Variants in WHRN observed in about 807,000 individuals in gnomAD.
WHRN encodes the protein whirlin.
A neutral mutation model predicts 68.3 loss-of-function variants in WHRN; 41 were observed. The ratio of observed to expected loss-of-function variants is 0.60; its 90% CI spans 0.47 to 0.78. The LOEUF is 0.78. Among genes scored for constraint, WHRN ranks in the 30% least tolerant of loss-of-function variants. The pLI is 0.00. For synonymous variants in WHRN, 560 were observed against 561.3 expected (o/e 1.00, Z 0.03); for missense variants, 1,243 against 1,244.7 (o/e 1.00, Z 0.02).
Position 114,406,884 on chromosome 9 carries a change from G to C in WHRN, c.1707C>G (p.Val569=). The change falls in exon 9 of 12, where the codon GTC becomes GTG. Residue 569 remains valine, a synonymous_variant. Transcript: ENST00000362057. ...NALPDVSVDD[V]RSTSQGLSSF... is the part of the protein sequence containing the mutation. Reference sequence around the variant, plus strand: ...TTGACAGCCCCTGGGAGGTGGATCTGACATCATCCTGCCAAAAGACCCAAC... The same window carrying C: ...TTGACAGCCCCTGGGAGGTGGATCTCACATCATCCTGCCAAAAGACCCAAC... 1 of 1,574,778 alleles carries C rather than the reference G, an allele frequency of 6.4e-7. No homozygotes were observed. The highest frequency in any genetic ancestry group is 8.6e-7 in the Non-Finnish European group (1 of 1,160,296).
In WHRN at chr9:114,402,182, G is replaced by A. The variant is rs1834738757; in HGVS notation, c.*572C>T. The A allele has an allele frequency of 1.2e-5, 2 of 168,268 alleles. No individual in the cohort carries two copies. The highest frequency in any genetic ancestry group is 2.6e-5 in the Non-Finnish European group (2 of 76,082). The allele number at this position is 168,268 out of a possible 1,614,324, so 10.4% of individuals were successfully genotyped here. A position where few individuals can be genotyped will look rare whatever the true frequency, so the allele number is the denominator to read the frequency against. ...CTGCAAGGCCTCTGGGATAGGCTGG[G>A]GGTGCAGAGGGAAGCTGGGGCCTTG... On this transcript the variant is annotated 3_prime_UTR_variant, in exon 12 of 12. Transcript: ENST00000362057.
At chr9:114,450,826 T>C (rs78701531) in intron 3 of WHRN, among the ~76,000 whole-genome samples, 13,465 of 141,334 alleles carry the variant, frequency 0.095, 594 homozygotes, top group African/African-American at 0.1. Context: ...ATTATTAGTT[T>C]CCCCCCCCGC....
intron 4 of WHRN, chr9:114,425,530 G>T: frequency 3.5e-6 from 1 of 284,534 alleles, no homozygotes; most frequent in Non-Finnish European, 6.7e-6. Flanking sequence ...TCTAGATGTT[G>T]GCAAGTAACT....
At chr9:114,502,892 T>A (rs556917340) in intron 1 of WHRN, among the ~76,000 whole-genome samples, 5 of 152,082 alleles carry the variant, frequency 3.3e-5, no homozygotes, top group Non-Finnish European at 5.9e-5. Flanking sequence ...AGGGAAAAGA[T>A]TGATAGAGGG....
intron 3 of WHRN, among the ~76,000 whole-genome samples, chr9:114,427,070 G>C (rs1836939674): frequency 6.6e-6 from 1 of 152,142 alleles, no homozygotes; most frequent in South Asian, 2.1e-4. Context: ...TTGCAGACCA[G>C]CCTGGGCAAT....
At chr9:114,437,714 G>A (rs1181822742) in intron 3 of WHRN, among the ~76,000 whole-genome samples, 1 of 152,192 alleles carries the variant, frequency 6.6e-6, no homozygotes, top group Non-Finnish European at 1.5e-5. Flanking sequence ...GAACTGAACT[G>A]GCCAACACGT....
In WHRN at chr9:114,402,451, C is replaced by A. The variant is rs916826720; in HGVS notation, c.*303G>T. On this transcript the variant is annotated 3_prime_UTR_variant, in exon 12 of 12. Coordinates refer to ENST00000362057, the MANE Select transcript of WHRN (RefSeq NM_015404.4). ...GGAGGGGGGACAGCAGTGCCCCCAA[C>A]CCAACCTGGAGAAACCAGCACTCTG... The A allele has an allele frequency of 2.3e-6, 1 of 440,464 alleles. No homozygotes were observed. The highest frequency in any genetic ancestry group is 4.2e-6 in the Non-Finnish European group (1 of 236,646). 27.3% of individuals were successfully genotyped at this position (440,464 alleles called of 1,614,324 possible). A position where few individuals can be genotyped will look rare whatever the true frequency, so the allele number is the denominator to read the frequency against.
chr9:114,455,892 C>G (rs887554384), intron 3 of WHRN, among the ~76,000 whole-genome samples: 1 of 152,076 alleles, frequency 6.6e-6, no homozygotes, highest in Admixed American at 6.6e-5. Context: ...CTGAGCCTAG[C>G]CTGCCTTAAA....
At chr9:114,481,338 T>C (rs1368658426) in intron 1 of WHRN, among the ~76,000 whole-genome samples, 6 of 152,228 alleles carry the variant, frequency 3.9e-5, no homozygotes, top group Non-Finnish European at 8.8e-5. Flanking sequence ...ATTCTGCTTT[T>C]ATAAAAGATT....
At chr9:114,442,474 G>A (rs980460157) in intron 3 of WHRN, among the ~76,000 whole-genome samples, 8 of 152,174 alleles carry the variant, frequency 5.3e-5, no homozygotes, top group South Asian at 4.1e-4. Flanking sequence ...CAAATGTGGC[G>A]AAACATGAAA....
At chr9:114,408,082 T>G (rs1260517853) in intron 7 of WHRN, 64 bp from the exon 8 acceptor site, 6 of 1,365,868 alleles carry the variant, frequency 4.4e-6, no homozygotes, top group Middle Eastern at 3.5e-4. Flanking sequence ...TGGTTTGTTC[T>G]CCAGCACACC....
rs1458969006 is a variant in WHRN, at chr9:114,402,403, T to C, written c.*351A>G. The C allele has an allele frequency of 1.4e-5, 5 of 345,210 alleles. No individual in the cohort carries two copies. The highest frequency in any genetic ancestry group is 2.8e-5 in the Non-Finnish European group (5 of 179,562). The allele number at this position is 345,210 out of a possible 1,614,324, so 21.4% of individuals were successfully genotyped here. A position where few individuals can be genotyped will look rare whatever the true frequency, so the allele number is the denominator to read the frequency against. On this transcript the variant is annotated 3_prime_UTR_variant, in exon 12 of 12. Coordinates refer to ENST00000362057, the MANE Select transcript of WHRN (RefSeq NM_015404.4). ...CACTTTGGACAAAGGCTCAGGCATCTGGGGATGGGCTGGGTCCTAGCTGGA... is the reference window on the plus strand; with the variant it reads ...CACTTTGGACAAAGGCTCAGGCATCCGGGGATGGGCTGGGTCCTAGCTGGA...
At chr9:114,424,311 T>G (rs371839450) in intron 6 of WHRN, 23 bp downstream of exon 6, 1 of 1,611,680 alleles carries the variant, frequency 6.2e-7, no homozygotes, top group East Asian at 2.2e-5. Context: ...CTGAAGCCAG[T>G]TGGGAGGCAG....
At position 114,504,984 on chromosome 9, in the gene WHRN, C is replaced by T; in HGVS notation, c.-183G>A. The T allele has an allele frequency of 1.1e-6, 1 of 902,720 alleles. No homozygotes were observed. Among genetic ancestry groups the T allele is most frequent in the Non-Finnish European group, 1.5e-6 (1 of 678,352 alleles). 55.9% of individuals were successfully genotyped at this position (902,720 alleles called of 1,614,324 possible). A position where few individuals can be genotyped will look rare whatever the true frequency, so the allele number is the denominator to read the frequency against. ...GGTCGCGGAGACCGCTGCTAGAGTC[C>T]CGGAGGCGCGAAGACGGCGGGGGTC... On this transcript the variant is annotated 5_prime_UTR_variant, in exon 1 of 12. Coordinates refer to ENST00000362057, the MANE Select transcript of WHRN (RefSeq NM_015404.4).
intron 8 of WHRN, 136 bp downstream of exon 8, chr9:114,407,811 T>C (rs1835145512): frequency 1.4e-6 from 1 of 733,830 alleles, no homozygotes; most frequent in Non-Finnish European, 2.4e-6. Flanking sequence ...TAGCTGGGTG[T>C]GAGAGCTCAT....
chr9:114,409,340 G>A (rs1354192200), intron 7 of WHRN, among the ~76,000 whole-genome samples: 1 of 152,180 alleles, frequency 6.6e-6, no homozygotes, highest in Non-Finnish European at 1.5e-5. Context: ...GCATCCAATG[G>A]GCAAACACAG....
rs558400552 is a variant in WHRN at position 114,474,793 on chromosome 9, G to T, written c.837+3760C>A. The stretch of plus-strand genomic sequence containing the variant: ...AAACTTGCCTCCTCACACTGGGGAG[G>T]TGAAATAGGGGAATGGTTAGGATCA... On this transcript the variant is annotated intron_variant, in intron 2 of 11. Transcript: ENST00000362057. Among the ~76,000 whole-genome samples, 9 of 152,288 alleles carry T rather than the reference G, an allele frequency of 5.9e-5. No homozygotes were observed. The East Asian group carries it at 1.7e-3, about 29-fold the overall frequency.
Position 114,504,619 on chromosome 9 carries a change from G to A in WHRN, c.183C>T (p.Cys61=), listed in dbSNP as rs1191115734. 1.2e-6 allele frequency: 2 copies of A among 1,610,648 alleles called. No individual in the cohort carries two copies. The highest frequency in any genetic ancestry group is 2.2e-5 in the East Asian group (1 of 44,866). The stretch of plus-strand genomic sequence containing the variant: ...TGCGGCGCGCGTGGTAAGCGTTCAG[G>A]CAGTGGGTGAACTGCTCCCGCTCCG... The part of the protein sequence containing the change: ...SEAEREQFTH[C]LNAYHARRNV... Residue 61 remains cysteine (C), a synonymous_variant, in exon 1 of 12, where the codon TGC becomes TGT. Coordinates refer to ENST00000362057, the MANE Select transcript of WHRN (RefSeq NM_015404.4).
At chr9:114,478,479 C>T (rs1366937735) in intron 2 of WHRN, 74 bp downstream of exon 2, 3 of 1,540,658 alleles carry the variant, frequency 1.9e-6, no homozygotes, top group Admixed American at 1.7e-5. Context: ...GGCCTCCAAG[C>T]AGCTCTGCTG....
Sources: gnomAD v4.1 joint callset for allele counts (sites outside exome capture counted in the v4.1 genomes callset) on GRCh38, gnomAD v4.1.1 for gene constraint, MANE v1.5 for transcripts, NCBI Gene and HGNC (gene_info 2026-07-23, HGNC 2026-07-21) for gene names.